Variants in WWP2 observed in about 807,000 individuals in gnomAD.
WWP2 encodes the protein WW domain containing E3 ubiquitin protein ligase 2, also known as NEDD4-like E3 ubiquitin-protein ligase WWP2.
WWP2 carries 57 observed loss-of-function variants against 121.0 expected under a neutral mutation model. The ratio of observed to expected loss-of-function variants is 0.47; its 90% CI spans 0.38 to 0.59. The LOEUF is 0.59. Ranked by LOEUF, WWP2 falls within the 20% of genes least tolerant of loss-of-function variation. The pLI is 0.00. For missense variants in WWP2, 962 were observed against 1,158.9 expected (o/e 0.83, Z 2.47); for synonymous variants, 449 against 441.3 (o/e 1.02, Z -0.22).
chr16:69,913,894 AC>A (rs1193991053), intron 9 of WWP2, among the ~76,000 whole-genome samples: 1 of 151,144 alleles, frequency 6.6e-6, no homozygotes, highest in African/African-American at 2.4e-5. Flanking sequence ...ACATGGTGAA[AC>A]CCCCGTCTCT....
chr16:69,858,562 G>A (rs1312468104), intron 6 of WWP2, among the ~76,000 whole-genome samples: 1 of 152,034 alleles, frequency 6.6e-6, no homozygotes, highest in Non-Finnish European at 1.5e-5. Flanking sequence ...CACCAAGAGT[G>A]TGCTGGGGTC....
chr16:69,853,674 C>T (rs1461561520), intron 6 of WWP2, among the ~76,000 whole-genome samples: 3 of 152,098 alleles, frequency 2.0e-5, no homozygotes, highest in Admixed American at 6.6e-5. Flanking sequence ...GGTGAGGTTA[C>T]AATTGATGAC....
intron 6 of WWP2, among the ~76,000 whole-genome samples, chr16:69,869,390 AT>A (rs1183553293): frequency 3.5e-5 from 5 of 143,308 alleles, no homozygotes; most frequent in Admixed American, 7.0e-5. Context: ...GAAAAACTTA[AT>A]TTTTTTTTTT....
At chr16:69,819,380 C>T (rs895679602) in intron 4 of WWP2, among the ~76,000 whole-genome samples, 1 of 152,296 alleles carries the variant, frequency 6.6e-6, no homozygotes, top group Non-Finnish European at 1.5e-5. Flanking sequence ...CCTTTGTTAC[C>T]TCATCTCAAA....
intron 6 of WWP2, 105 bp from the exon 7 acceptor site, chr16:69,871,699 T>C (rs1165555002): frequency 2.0e-6 from 3 of 1,520,280 alleles, no homozygotes; most frequent in Non-Finnish European, 2.7e-6. Context: ...AAGGTCTTGT[T>C]TCCAATAAAT....
At position 69,935,994 on chromosome 16, in the gene WWP2, C is replaced by T; in HGVS notation, c.1976+8C>T. 1 of 1,613,276 alleles carries T rather than the reference C, an allele frequency of 6.2e-7. No homozygotes were observed. The highest frequency in any genetic ancestry group is 8.5e-7 in the Non-Finnish European group (1 of 1,179,608). On this transcript the variant is annotated splice_region_variant and intron_variant, in intron 18 of 23. Transcript: ENST00000359154. The surrounding 1 kb of genome is among the most constrained non-coding windows in gnomAD (Gnocchi z 5.2). ...CTCCATTGTCTGGATCAAGTGAGTT[C>T]CCTGCCCCCTTGCCCCACCGCGCTG...
At chr16:69,785,335 CT>C (rs1319968358) in intron 1 of WWP2, among the ~76,000 whole-genome samples, 2 of 152,038 alleles carry the variant, frequency 1.3e-5, no homozygotes, top group Non-Finnish European at 2.9e-5. Context: ...GAAAGTTAGA[CT>C]TTTGGAATGC....
chr16:69,931,937 G>A lies in WWP2; in HGVS notation c.1682+47G>A, dbSNP rs761416743. On this transcript the variant is annotated intron_variant, in intron 16 of 23. Coordinates refer to ENST00000359154, the MANE Select transcript of WWP2 (RefSeq NM_001270454.2). Reference sequence around the variant, plus strand: ...GGCTGCCCTGTACCCCGCTTCCCCAGGCTACAGCATCAATGGCCAGAAAGC... The same window carrying A: ...GGCTGCCCTGTACCCCGCTTCCCCAAGCTACAGCATCAATGGCCAGAAAGC... The A allele has an allele frequency of 1.9e-6, 3 of 1,556,414 alleles. No individual in the cohort carries two copies. In the South Asian group the frequency reaches 3.4e-5, roughly 18 times the overall value.
chr16:69,925,526 G>A lies in WWP2; in HGVS notation c.1234+42G>A, dbSNP rs905804320. The stretch of plus-strand genomic sequence containing the variant: ...CTTCCTGGCCCTTGGCCTTCCGTCA[G>A]CCACGGTGCTCTGTCCTCTCCTCCC... On this transcript the variant is annotated intron_variant, in intron 11 of 23. Coordinates refer to ENST00000359154, the MANE Select transcript of WWP2 (RefSeq NM_001270454.2). The surrounding 1 kb of genome is among the most constrained non-coding windows in gnomAD (Gnocchi z 4.0). The A allele has an allele frequency of 1.9e-6, 3 of 1,610,048 alleles. No homozygotes were observed. The African/African-American group carries it at 4.0e-5, about 22-fold the overall frequency.
chr16:69,800,534 T>G (rs2056140589), intron 4 of WWP2, among the ~76,000 whole-genome samples: 1 of 151,738 alleles, frequency 6.6e-6, no homozygotes, highest in Non-Finnish European at 1.5e-5. Flanking sequence ...AATTTGCCCC[T>G]AAGCACAGCA....
chr16:69,839,917 C>T (rs2056943848), intron 4 of WWP2, among the ~76,000 whole-genome samples: 1 of 152,186 alleles, frequency 6.6e-6, no homozygotes. Context: ...AGAAAGAGTG[C>T]AGCTTCCCCT....
At chr16:69,922,659 G>A (rs1337364019) in intron 10 of WWP2, among the ~76,000 whole-genome samples, 1 of 152,126 alleles carries the variant, frequency 6.6e-6, no homozygotes, top group Non-Finnish European at 1.5e-5. Context: ...GGAGGTGTGG[G>A]GTTTTTGGCT....
chr16:69,819,922 A>C (rs2056562391), intron 4 of WWP2, among the ~76,000 whole-genome samples: 1 of 152,096 alleles, frequency 6.6e-6, no homozygotes, highest in Non-Finnish European at 1.5e-5. Flanking sequence ...CTGTAGATTT[A>C]CCTTTCCTGG....
intron 8 of WWP2, among the ~76,000 whole-genome samples, chr16:69,906,246 A>G (rs1046164308): frequency 2.5e-4 from 38 of 151,624 alleles, no homozygotes; most frequent in Non-Finnish European, 2.9e-5. Context: ...CTATTTTTTT[A>G]TATTTTTAGT....
chr16:69,829,157 T>C (rs1158141821), intron 4 of WWP2, among the ~76,000 whole-genome samples: 1 of 152,194 alleles, frequency 6.6e-6, no homozygotes, highest in Non-Finnish European at 1.5e-5. Context: ...ATTTTTACTT[T>C]TGCAAGTCTG....
intron 4 of WWP2, among the ~76,000 whole-genome samples, chr16:69,813,082 G>T (rs188961566): frequency 2.4e-4 from 36 of 151,932 alleles, no homozygotes. Flanking sequence ...TCATGTATGC[G>T]TGTGTGTAGG....
chr16:69,812,433 A>C (rs2056410429), intron 4 of WWP2, among the ~76,000 whole-genome samples: 1 of 148,980 alleles, frequency 6.7e-6, no homozygotes, highest in South Asian at 2.1e-4. Flanking sequence ...CCAAAGTGCT[A>C]AGATCACAGG....
chr16:69,923,657 A>C (rs2058597217), intron 10 of WWP2, among the ~76,000 whole-genome samples: 1 of 152,252 alleles, frequency 6.6e-6, no homozygotes, highest in Non-Finnish European at 1.5e-5. Context: ...GACCTGAAGC[A>C]GCAAACACTT....
At chr16:69,870,193 CA>C (rs979073550) in intron 6 of WWP2, among the ~76,000 whole-genome samples, 1 of 151,880 alleles carries the variant, frequency 6.6e-6, no homozygotes, top group Non-Finnish European at 1.5e-5. Flanking sequence ...TAAATGAGAA[CA>C]TATATGTAAA....
Sources: gnomAD v4.1 joint callset for allele counts (sites outside exome capture counted in the v4.1 genomes callset) on GRCh38, gnomAD v4.1.1 for gene constraint, Gnocchi (gnomAD v3.1) non-coding constraint, MANE v1.5 for transcripts, NCBI Gene and HGNC (gene_info 2026-07-23, HGNC 2026-07-21) for gene names.